FOXK2: variants seen among roughly 807,000 people sequenced by gnomAD.
FOXK2 encodes forkhead box protein K2.
In FOXK2, 24 loss-of-function variants were observed where a neutral mutation model predicts 53.3. That is an observed-to-expected ratio of 0.45 (90% CI 0.33 to 0.63). FOXK2 has a LOEUF of 0.63. FOXK2 is among the 30% of genes least tolerant of loss of function. The pLI is 0.03. For synonymous variants in FOXK2, 505 were observed against 407.1 expected, an observed-to-expected ratio of 1.24 and a Z score of -2.89; for missense variants, 952 against 910.5, an observed-to-expected ratio of 1.05 and a Z score of -0.59.
At chr17:82,555,006 C>T (rs2044710548) in intron 1 of FOXK2, among the ~76,000 whole-genome samples, 1 of 152,184 alleles carries the variant, frequency 6.6e-6, no homozygotes, top group African/African-American at 2.4e-5. Context: ...GCCTCGGCCT[C>T]CCAAAGTGCT....
At chr17:82,523,083 A>G (rs1339031977) in intron 1 of FOXK2, among the ~76,000 whole-genome samples, 3 of 152,186 alleles carry the variant, frequency 2.0e-5, no homozygotes, top group Middle Eastern at 3.2e-3. Flanking sequence ...GTGAGCCACC[A>G]CGCCTGGCCG....
At chr17:82,571,332 G>A (rs1262336228) in intron 3 of FOXK2, among the ~76,000 whole-genome samples, 1 of 152,166 alleles carries the variant, frequency 6.6e-6, no homozygotes, top group Non-Finnish European at 1.5e-5. Flanking sequence ...TGGGCGCAGT[G>A]GCTCACACCC....
chr17:82,591,369 C>T (rs533913612), intron 8 of FOXK2, among the ~76,000 whole-genome samples: 1 of 152,280 alleles, frequency 6.6e-6, no homozygotes, highest in East Asian at 1.9e-4. Context: ...CCGTTGTCCA[C>T]ACCCTGCCCA....
At chr17:82,556,691 T>TTTTTTA (rs1567973048) in intron 1 of FOXK2, among the ~76,000 whole-genome samples, 1 of 151,670 alleles carries the variant, frequency 6.6e-6, no homozygotes, top group African/African-American at 2.4e-5. Context: ...CCTGCCTCTT[T>TTTTTTA]TTTTTATTTT....
chr17:82,520,321 G>A lies in FOXK2; in HGVS notation c.419+14G>A. 5 of 1,254,484 alleles carry A rather than the reference G, an allele frequency of 4.0e-6. No individual in the cohort carries two copies. Among genetic ancestry groups the A allele is most frequent in the Non-Finnish European group, 5.0e-6 (5 of 994,868 alleles). 77.7% of individuals were successfully genotyped at this position (1,254,484 alleles called of 1,614,324 possible). A position where few individuals can be genotyped will look rare whatever the true frequency, so the allele number is the denominator to read the frequency against. On this transcript the variant is annotated intron_variant, in intron 1 of 8. Coordinates refer to ENST00000335255, the MANE Select transcript of FOXK2 (RefSeq NM_004514.4). ...GCTGCCGCGCGTGTGAGTGGCCTCG[G>A]GGCGGGGCGGGCGGGGTCTGCGGCC...
intron 4 of FOXK2, among the ~76,000 whole-genome samples, chr17:82,575,276 T>A (rs570319462): frequency 8.1e-4 from 124 of 152,250 alleles, no homozygotes; most frequent in African/African-American, 2.9e-3. Context: ...CCAGAGAGCC[T>A]AACAAACTGG....
At chr17:82,536,051 T>G (rs2044517718) in intron 1 of FOXK2, among the ~76,000 whole-genome samples, 1 of 151,896 alleles carries the variant, frequency 6.6e-6, no homozygotes, top group Non-Finnish European at 1.5e-5. Flanking sequence ...ATTTTTTTTG[T>G]ATTTTTAGTA....
intron 5 of FOXK2, 80 bp from the exon 6 acceptor site, chr17:82,583,933 A>G: frequency 6.9e-7 from 1 of 1,446,390 alleles, no homozygotes; most frequent in Non-Finnish European, 9.3e-7. Flanking sequence ...CCCCCTTTGC[A>G]AAGTGCACTT....
rs373569638 is a variant in FOXK2, at chr17:82,560,459, CTG to C, written c.420-2890_420-2889del. Reference sequence around the variant, plus strand: ...CTGTTATTTAAGGGAAGCGGTCTCACTGTGTGGCGCAGGCTGGCTTTGAGCTC... The same window carrying C: ...CTGTTATTTAAGGGAAGCGGTCTCACTGTGGCGCAGGCTGGCTTTGAGCTC... On this transcript the variant is annotated intron_variant, in intron 1 of 8. Transcript: ENST00000335255. Among the ~76,000 whole-genome samples, 71 of 152,290 alleles carry C rather than the reference CTG, an allele frequency of 4.7e-4. 1 individual carries two copies. The East Asian group carries it at 0.011, about 24-fold the overall frequency.
chr17:82,579,880 A>C (rs1464108728), intron 4 of FOXK2, among the ~76,000 whole-genome samples: 1 of 114,050 alleles, frequency 8.8e-6, no homozygotes, highest in African/African-American at 3.5e-5. Flanking sequence ...CCACCTCTCC[A>C]TGTCGCCCAT....
chr17:82,560,961 G>T (rs2044787305), intron 1 of FOXK2, among the ~76,000 whole-genome samples: 1 of 152,068 alleles, frequency 6.6e-6, no homozygotes, highest in Non-Finnish European at 1.5e-5. Flanking sequence ...TTGTTGGCCA[G>T]GCTAGTCTCA....
intron 4 of FOXK2, among the ~76,000 whole-genome samples, chr17:82,572,504 T>G (rs1265064832): frequency 6.6e-6 from 1 of 152,032 alleles, no homozygotes; most frequent in Non-Finnish European, 1.5e-5. Flanking sequence ...TTTTTTTTTT[T>G]TTGAGTCAGA....
chr17:82,540,416 T>G (rs1352118629), intron 1 of FOXK2, among the ~76,000 whole-genome samples: 1 of 152,254 alleles, frequency 6.6e-6, no homozygotes, highest in Non-Finnish European at 1.5e-5. Context: ...GATTGTTGTT[T>G]GTGGGTATGC....
In FOXK2 at chr17:82,525,954, T is replaced by TTCTTATGTGGCCTGAATCCCAC. The variant is rs1567962864; in HGVS notation, c.419+5647_419+5648insTCTTATGTGGCCTGAATCCCAC. Among the ~76,000 whole-genome samples, 97 of 143,594 alleles carry TTCTTATGTGGCCTGAATCCCAC rather than the reference T, an allele frequency of 6.8e-4. 1 individual carries two copies. The highest frequency in any genetic ancestry group is 2.4e-3 in the African/African-American group (92 of 38,728). The allele number at this position is 143,594 out of a possible 152,430, so 94.2% of individuals were successfully genotyped here. A position where few individuals can be genotyped will look rare whatever the true frequency, so the allele number is the denominator to read the frequency against. ...TCTTACGTGGCATGAATCCCACACT[T>TTCTTATGTGGCCTGAATCCCAC]ACTTTCTTATGTGGCCTGAATCCCA... is the stretch of plus-strand genomic sequence containing the variant. On this transcript the variant is annotated intron_variant, in intron 1 of 8. Transcript: ENST00000335255.
chr17:82,548,462 T>A (rs1442082906), intron 1 of FOXK2, among the ~76,000 whole-genome samples: 1 of 152,220 alleles, frequency 6.6e-6, no homozygotes. Context: ...CTGTAGTGAA[T>A]GACCATTTTT....
intron 8 of FOXK2, among the ~76,000 whole-genome samples, chr17:82,596,522 G>A (rs1243991124): frequency 2.0e-5 from 3 of 152,272 alleles, no homozygotes; most frequent in Admixed American, 1.3e-4. Flanking sequence ...CGCACACGTG[G>A]GGACTGTTTC....
At chr17:82,552,071 C>T (rs1231780755) in intron 1 of FOXK2, among the ~76,000 whole-genome samples, 2 of 152,210 alleles carry the variant, frequency 1.3e-5, no homozygotes, top group African/African-American at 4.8e-5. Flanking sequence ...AATGAAGTGG[C>T]TTCCAAACAC....
At chr17:82,575,984 TCGTCCACA>T (rs75866843) in intron 4 of FOXK2, among the ~76,000 whole-genome samples, 1,030 of 87,608 alleles carry the variant, frequency 0.012, 7 homozygotes, top group East Asian at 0.024. Flanking sequence ...GGCGGCGGGT[TCGTCCACA>T]CGTCCACACC....
At chr17:82,542,164 T>C (rs2044580605) in intron 1 of FOXK2, among the ~76,000 whole-genome samples, 1 of 133,298 alleles carries the variant, frequency 7.5e-6, no homozygotes, top group Non-Finnish European at 1.7e-5. Context: ...TTTTTCTTCT[T>C]TCTTTTTTTT....
Sources: gnomAD v4.1 joint callset for allele counts (sites outside exome capture counted in the v4.1 genomes callset) on GRCh38, gnomAD v4.1.1 for gene constraint, MANE v1.5 for transcripts, NCBI Gene and HGNC (gene_info 2026-07-23, HGNC 2026-07-21) for gene names.